GPR153: variants seen among roughly 807,000 people sequenced by gnomAD.
GPR153 encodes G protein-coupled receptor 153.
In GPR153, 27 loss-of-function variants were observed where a neutral mutation model predicts 34.1. The observed-to-expected ratio is 0.79, with a 90% CI of 0.58 to 1.09. GPR153 has a LOEUF of 1.09. Ranked by LOEUF, GPR153 falls within the 50% of genes least tolerant of loss-of-function variation. The pLI is 0.00. For synonymous variants in GPR153, 408 were observed against 405.4 expected (o/e 1.01, Z -0.08); for missense variants, 848 against 860.2 (o/e 0.99, Z 0.18).
chr1:6,249,362 C>A lies in GPR153; in HGVS notation c.1806G>T (p.Ser602=). ...SESSGYATLH[S]DSLGSAS The stretch of plus-strand genomic sequence containing the variant: ...CCTAGGACGCGGAGCCCAGCGAGTC[C>A]GAGTGCAGCGTGGCGTAGCCCGAGG... Residue 602 remains serine, a synonymous_variant, in exon 6 of 6, where the codon TCG becomes TCT. Coordinates refer to ENST00000377893, the MANE Select transcript of GPR153 (RefSeq NM_207370.4). The surrounding 1 kb of genome is among the most constrained non-coding windows in gnomAD (Gnocchi z 4.3). 7.5e-7 allele frequency: 1 copy of A among 1,331,604 alleles called. No homozygotes were observed. The highest frequency in any genetic ancestry group is 9.6e-7 in the Non-Finnish European group (1 of 1,044,398). The allele number at this position is 1,331,604 out of a possible 1,614,324, so 82.5% of individuals were successfully genotyped here. A position where few individuals can be genotyped will look rare whatever the true frequency, so the allele number is the denominator to read the frequency against.
chr1:6,255,019 G>T lies in GPR153; in HGVS notation c.-109-5C>A, dbSNP rs990996955. ...GATGCTGGGGACCACGAGCATCTGT[G>T]GGGGGGTGGCAGTGGGCACTCAGTG... On this transcript the variant is annotated splice_region_variant and splice_polypyrimidine_tract_variant and intron_variant, in intron 1 of 5. Transcript: ENST00000377893. The T allele has an allele frequency of 1.4e-5, 10 of 710,574 alleles. No homozygotes were observed. The highest frequency in any genetic ancestry group is 1.3e-4 in the African/African-American group (7 of 55,326). 44.0% of individuals were successfully genotyped at this position (710,574 alleles called of 1,614,324 possible).
chr1:6,258,826 T>C (rs1281001578), intron 1 of GPR153, among the ~76,000 whole-genome samples: 3 of 152,124 alleles, frequency 2.0e-5, no homozygotes, highest in Non-Finnish European at 4.4e-5. Flanking sequence ...CCCGTGACCT[T>C]GGCCCCGCCC....
At position 6,253,915 on chromosome 1, in the gene GPR153, G is replaced by A; in HGVS notation, c.589C>T (p.Gln197Ter). Residue 197 changes from glutamine to a stop codon, truncating the protein, a stop_gained, in exon 3 of 6, where the codon CAG (glutamine) becomes TAG (stop). Transcript: ENST00000377893. LOFTEE classifies it high-confidence loss of function. ...CGCCCCACCTGCACGGCCAGCGTCT[G>A]GAAGAGGGCGATGGCTGTGCAGATC... Reference protein sequence around the residue: ...GVICTAIALFQTLAVQVGRQA... With the variant: ...GVICTAIALF 6.2e-7 allele frequency: 1 copy of A among 1,610,444 alleles called. No individual in the cohort carries two copies. The highest frequency in any genetic ancestry group is 8.5e-7 in the Non-Finnish European group (1 of 1,178,846).
intron 1 of GPR153, among the ~76,000 whole-genome samples, chr1:6,255,780 G>C (rs890635042): frequency 6.7e-6 from 1 of 149,916 alleles, no homozygotes; most frequent in Non-Finnish European, 1.5e-5. Context: ...AGCCTCCTGA[G>C]TAGCTAGGAT....
chr1:6,252,403 G>A (rs545546847), intron 3 of GPR153, among the ~76,000 whole-genome samples: 37 of 152,142 alleles, frequency 2.4e-4, no homozygotes, highest in African/African-American at 8.0e-4. Context: ...TCCCAGCCCC[G>A]CCTCTCCCCA....
chr1:6,260,844 G>A lies in GPR153; in HGVS notation c.-129C>T, dbSNP rs1177194440. On this transcript the variant is annotated 5_prime_UTR_variant, in exon 1 of 6. Coordinates refer to ENST00000377893, the MANE Select transcript of GPR153 (RefSeq NM_207370.4). ...GCTCACCCTGCATTCGAGCGCCCGG[G>A]GCTCCGGCTCGCTGCTCCCGCCTCC... The A allele has an allele frequency of 6.6e-6, 1 of 150,898 alleles. No homozygotes were observed. The highest frequency in any genetic ancestry group is 1.5e-5 in the Non-Finnish European group (1 of 67,656). 9.3% of individuals were successfully genotyped at this position (150,898 alleles called of 1,614,324 possible).
Position 6,253,732 on chromosome 1 carries a change from C to T in GPR153, c.772G>A (p.Gly258Ser). The T allele has an allele frequency of 6.6e-7, 1 of 1,524,134 alleles. No homozygotes were observed. Among genetic ancestry groups the T allele is most frequent in the Non-Finnish European group, 8.8e-7 (1 of 1,135,754 alleles). 94.4% of individuals were successfully genotyped at this position (1,524,134 alleles called of 1,614,324 possible). The change falls in exon 3 of 6, where the codon GGC becomes AGC. Residue 258 changes from glycine to serine, a missense_variant. Physicochemically the swap from Gly to Ser is moderately conservative, Grantham distance 56. Coordinates refer to ENST00000377893, the MANE Select transcript of GPR153 (RefSeq NM_207370.4). ...CCGTCACCCACCAGCACAGGGAAGC[C>T]CATGAGGCAGTCGTAGATGAAGACT... ...TIVFIYDCLM[G>S]FPVLVVSFSS...
rs2100982348 is a variant in GPR153 at position 6,249,182 on chromosome 1, G to A, written c.*156C>T. 5.8e-6 allele frequency: 3 copies of A among 520,950 alleles called. No individual in the cohort carries two copies. The highest frequency in any genetic ancestry group is 5.9e-6 in the Non-Finnish European group (2 of 341,334). The allele number at this position is 520,950 out of a possible 1,614,324, so 32.3% of individuals were successfully genotyped here. On this transcript the variant is annotated 3_prime_UTR_variant, in exon 6 of 6. Transcript: ENST00000377893. This position sits in a 1 kb window ranked among gnomAD's most constrained non-coding sequence, Gnocchi z 4.3. Reference sequence around the variant, plus strand: ...CGTCGCCCCTGGGACAAGGCCAGCTGGGAGGAGCCGGAAGACAAACGCTGA... The same window carrying A: ...CGTCGCCCCTGGGACAAGGCCAGCTAGGAGGAGCCGGAAGACAAACGCTGA...
At chr1:6,259,070 G>C (rs1638619809) in intron 1 of GPR153, among the ~76,000 whole-genome samples, 1 of 152,196 alleles carries the variant, frequency 6.6e-6, no homozygotes, top group African/African-American at 2.4e-5. Flanking sequence ...AGACCAGCTT[G>C]GGCAACATGG....
rs935312311 is a variant in GPR153, at chr1:6,249,701, G to A, written c.1467C>T (p.Pro489=). 5 of 1,036,852 alleles carry A rather than the reference G, an allele frequency of 4.8e-6. No homozygotes were observed. The highest frequency in any genetic ancestry group is 5.8e-6 in the Non-Finnish European group (5 of 865,524). 64.2% of individuals were successfully genotyped at this position (1,036,852 alleles called of 1,614,324 possible). Residue 489 remains proline, a synonymous_variant, in exon 6 of 6, where the codon CCC becomes CCT. Coordinates refer to ENST00000377893, the MANE Select transcript of GPR153 (RefSeq NM_207370.4). The surrounding 1 kb of genome is among the most constrained non-coding windows in gnomAD (Gnocchi z 4.3). ...PPGSPRRRPG[P]GPRSASASLL... ...GCGAGGCCGAGGCGGAGCGGGGGCCGGGCCCGGGGCGGCGGCGCGGGCTGC... is the reference window on the plus strand; with the variant it reads ...GCGAGGCCGAGGCGGAGCGGGGGCCAGGCCCGGGGCGGCGGCGCGGGCTGC...
At chr1:6,250,899 A>G (rs1375792430) in intron 4 of GPR153, among the ~76,000 whole-genome samples, 2 of 152,222 alleles carry the variant, frequency 1.3e-5, no homozygotes, top group Admixed American at 6.5e-5. Context: ...GGAGGACTAA[A>G]TAACACACGC....
At chr1:6,257,591 G>A (rs1340230639) in intron 1 of GPR153, among the ~76,000 whole-genome samples, 1 of 152,248 alleles carries the variant, frequency 6.6e-6, no homozygotes, top group Non-Finnish European at 1.5e-5. Context: ...CACACACTGG[G>A]TGCTCTGGGG....
chr1:6,257,135 C>T (rs1411035531), intron 1 of GPR153, among the ~76,000 whole-genome samples: 1 of 152,260 alleles, frequency 6.6e-6, no homozygotes, highest in African/African-American at 2.4e-5. Flanking sequence ...CCGTGCATGA[C>T]CTGGCACCAT....
intron 1 of GPR153, among the ~76,000 whole-genome samples, chr1:6,259,511 T>C (rs968494863): frequency 6.7e-6 from 1 of 150,170 alleles, no homozygotes; most frequent in African/African-American, 2.5e-5. Flanking sequence ...TTTTTTTTTT[T>C]GTCCCTAGAG....
rs529455751 is a variant in GPR153 at position 6,251,211 on chromosome 1, G to A, written c.979+127C>T. Reference sequence around the variant, plus strand: ...ATTCAAGTACATTTGGGGGTGACACGGGGTGTCTGGTGGTTGAGAATGAAG... The same window carrying A: ...ATTCAAGTACATTTGGGGGTGACACAGGGTGTCTGGTGGTTGAGAATGAAG... On this transcript the variant is annotated intron_variant, in intron 4 of 5. Transcript: ENST00000377893. This position sits in a 1 kb window ranked among gnomAD's most constrained non-coding sequence, Gnocchi z 4.9. 2.3e-5 allele frequency: 17 copies of A among 748,940 alleles called. No homozygotes were observed. Among genetic ancestry groups the A allele is most frequent in the East Asian group, 7.6e-5 (3 of 39,476 alleles). The allele number at this position is 748,940 out of a possible 1,614,324, so 46.4% of individuals were successfully genotyped here. A position where few individuals can be genotyped will look rare whatever the true frequency, so the allele number is the denominator to read the frequency against.
chr1:6,257,372 C>T (rs950068354), intron 1 of GPR153, among the ~76,000 whole-genome samples: 2 of 152,238 alleles, frequency 1.3e-5, no homozygotes, highest in African/African-American at 4.8e-5. Flanking sequence ...TCCTGACCAC[C>T]CTGAGAGGGG....
rs1389934128 is a variant in GPR153, at chr1:6,251,532, T to C, written c.787-2A>G. 3.1e-6 allele frequency: 5 copies of C among 1,590,526 alleles called. No homozygotes were observed. The highest frequency in any genetic ancestry group is 4.3e-6 in the Non-Finnish European group (5 of 1,170,174). On this transcript the variant is annotated splice_acceptor_variant, in intron 3 of 5. Coordinates refer to ENST00000377893, the MANE Select transcript of GPR153 (RefSeq NM_207370.4). LOFTEE classifies it high-confidence loss of function. This position sits in a 1 kb window ranked among gnomAD's most constrained non-coding sequence, Gnocchi z 4.9. The stretch of plus-strand genomic sequence containing the variant: ...CCGCAGGCTGCTGAAGCTCACCACC[T>C]GTGGGCACAGGGCTCGGCCTGGCAC...
intron 1 of GPR153, among the ~76,000 whole-genome samples, chr1:6,260,141 C>T (rs965117176): frequency 1.3e-5 from 2 of 152,160 alleles, no homozygotes; most frequent in African/African-American, 2.4e-5. Context: ...GGCCGCGCGG[C>T]CCCGAGGCCC....
In GPR153 at chr1:6,256,317, C is replaced by T. The variant is rs116178580; in HGVS notation, c.-109-1303G>A. On this transcript the variant is annotated intron_variant, in intron 1 of 5. Coordinates refer to ENST00000377893, the MANE Select transcript of GPR153 (RefSeq NM_207370.4). ...AGCACCTTGATTTTGGATTTCTCAGCTTTTCTTTTTTGAAAAAAAAAATTT... is the reference window on the plus strand; with the variant it reads ...AGCACCTTGATTTTGGATTTCTCAGTTTTTCTTTTTTGAAAAAAAAAATTT... Among the ~76,000 whole-genome samples the T allele has an allele frequency of 7.1e-3, 1,066 of 150,606 alleles. 14 individuals are homozygous for T. Among genetic ancestry groups the T allele is most frequent in the African/African-American group, 0.024 (994 of 41,022 alleles).
Sources: allele counts gnomAD v4.1 joint callset (sites outside exome capture counted in the v4.1 genomes callset), GRCh38; gene constraint gnomAD v4.1.1; non-coding constraint Gnocchi (gnomAD v3.1); transcripts MANE v1.5; gene names NCBI Gene and HGNC (gene_info 2026-07-23, HGNC 2026-07-21).